HS6ST1: variants seen among roughly 807,000 people sequenced by gnomAD.
The protein encoded by HS6ST1 is heparan sulfate 6-O-sulfotransferase 1.
Under a neutral mutation model 25.2 loss-of-function variants are expected in HS6ST1, and 3 were observed. The observed-to-expected ratio is 0.12, with a 90% CI of 0.05 to 0.31. The LOEUF (loss-of-function observed/expected upper bound fraction) is 0.31. Among genes scored for constraint, HS6ST1 ranks in the 10% least tolerant of loss-of-function variants. The pLI, the probability that HS6ST1 is intolerant of heterozygous loss-of-function variation, is 1.00. For synonymous variants in HS6ST1, 204 were observed against 275.1 expected, an observed-to-expected ratio of 0.74 and a Z score of 2.56; for missense variants, 310 against 609.6, an observed-to-expected ratio of 0.51 and a Z score of 5.18.
At chr2:128,279,816 C>T (rs1185594950) in intron 1 of HS6ST1, among the ~76,000 whole-genome samples, 1 of 152,190 alleles carries the variant, frequency 6.6e-6, no homozygotes, top group African/African-American at 2.4e-5. Context: ...AAAACCTGGA[C>T]TCCAAGGGCA....
chr2:128,283,468 C>T (rs1242073501), intron 1 of HS6ST1, among the ~76,000 whole-genome samples: 1 of 152,232 alleles, frequency 6.6e-6, no homozygotes, highest in Non-Finnish European at 1.5e-5. Context: ...TACTGTGCAG[C>T]TATGCTGTGA....
chr2:128,299,811 A>C (rs1694096801), intron 1 of HS6ST1, among the ~76,000 whole-genome samples: 1 of 152,164 alleles, frequency 6.6e-6, no homozygotes, highest in East Asian at 1.9e-4. Flanking sequence ...CTGCTAACAC[A>C]GCCCATCTGC....
chr2:128,311,307 G>T (rs903353451), intron 1 of HS6ST1, among the ~76,000 whole-genome samples: 1 of 152,194 alleles, frequency 6.6e-6, no homozygotes. Context: ...CTCAAGGAGA[G>T]GAGAGCAGGT....
chr2:128,299,354 G>T (rs555625191), intron 1 of HS6ST1, among the ~76,000 whole-genome samples: 1 of 152,240 alleles, frequency 6.6e-6, no homozygotes, highest in Non-Finnish European at 1.5e-5. Context: ...GCCCTGGCCG[G>T]CCCACTCTTA....
chr2:128,294,717 G>T (rs1251469756), intron 1 of HS6ST1, among the ~76,000 whole-genome samples: 1 of 145,966 alleles, frequency 6.9e-6, no homozygotes, highest in South Asian at 2.2e-4. Context: ...TGTGTGTGTG[G>T]AGGGGGAGAC....
At position 128,265,937 on chromosome 2, in the gene HS6ST1, G is replaced by A. The variant is rs1693503516; in HGVS notation, c.*2225C>T. The A allele has an allele frequency of 6.6e-6, 1 of 151,648 alleles. No individual in the cohort carries two copies. The highest frequency in any genetic ancestry group is 2.1e-4 in the South Asian group (1 of 4,790). 9.4% of individuals were successfully genotyped at this position (151,648 alleles called of 1,614,324 possible). Reference sequence around the variant, plus strand: ...GAAGTGCCAGGCTGGACACTTGGGGGCTGAGGGCACTGCCAGCTGCCGCCG... The same window carrying A: ...GAAGTGCCAGGCTGGACACTTGGGGACTGAGGGCACTGCCAGCTGCCGCCG... On this transcript the variant is annotated 3_prime_UTR_variant, in exon 2 of 2. Coordinates refer to ENST00000259241, the MANE Select transcript of HS6ST1 (RefSeq NM_004807.3).
intron 1 of HS6ST1, among the ~76,000 whole-genome samples, chr2:128,315,704 A>T (rs1325041740): frequency 2.6e-5 from 4 of 152,146 alleles, no homozygotes; most frequent in African/African-American, 9.7e-5. Flanking sequence ...AGAGCAGCTT[A>T]GCCCAGCTCC....
rs1694407621 is a variant in HS6ST1 at position 128,318,406 on chromosome 2, T to TCGTCGGGCGGCGCGCGGC, written c.140_157dup (p.Gly47_Asp52dup). On this transcript the variant is annotated inframe_insertion, in exon 1 of 2. Coordinates refer to ENST00000259241, the MANE Select transcript of HS6ST1 (RefSeq NM_004807.3). The surrounding 1 kb of genome is among the most constrained non-coding windows in gnomAD (Gnocchi z 5.7). Reference sequence around the variant, plus strand: ...GTCGGGTGTGGGGAACAGGTCCAGGTCGTCGGGCGGCGCGCGGCCGCCGGG... The same window carrying TCGTCGGGCGGCGCGCGGC: ...GTCGGGTGTGGGGAACAGGTCCAGGTCGTCGGGCGGCGCGCGGCCGTCGGGCGGCGCGCGGCCGCCGGG... The TCGTCGGGCGGCGCGCGGC allele has an allele frequency of 6.2e-7, 1 of 1,603,674 alleles. No homozygotes were observed. Among genetic ancestry groups the TCGTCGGGCGGCGCGCGGC allele is most frequent in the Non-Finnish European group, 8.5e-7 (1 of 1,176,246 alleles).
At chr2:128,288,066 G>A (rs1693892170) in intron 1 of HS6ST1, among the ~76,000 whole-genome samples, 1 of 152,232 alleles carries the variant, frequency 6.6e-6, no homozygotes, top group Non-Finnish European at 1.5e-5. Context: ...GAGCAGCAGG[G>A]CAGCTGACTA....
chr2:128,269,566 C>T (rs1471665269), intron 1 of HS6ST1, among the ~76,000 whole-genome samples: 3 of 152,262 alleles, frequency 2.0e-5, no homozygotes, highest in Non-Finnish European at 2.9e-5. Context: ...CTCGCTATGA[C>T]GCTGGGCTGG....
intron 1 of HS6ST1, 144 bp downstream of exon 1, chr2:128,317,893 G>A: frequency 1.0e-6 from 1 of 1,002,348 alleles, no homozygotes; most frequent in Non-Finnish European, 1.3e-6. Context: ...CGCTCGGCAG[G>A]TCGGGAGGGG....
intron 1 of HS6ST1, among the ~76,000 whole-genome samples, chr2:128,308,435 G>A (rs543595752): frequency 2.8e-4 from 43 of 152,326 alleles, no homozygotes; most frequent in African/African-American, 1.0e-3. Flanking sequence ...CCAGCATCAC[G>A]TGGCATCCAC....
intron 1 of HS6ST1, among the ~76,000 whole-genome samples, chr2:128,302,792 C>T (rs1025648748): frequency 6.6e-6 from 1 of 152,208 alleles, no homozygotes; most frequent in African/African-American, 2.4e-5. Flanking sequence ...TGTGGTGGGG[C>T]CTCTTCCGCA....
At chr2:128,292,343 A>G (rs898982104) in intron 1 of HS6ST1, among the ~76,000 whole-genome samples, 9 of 152,164 alleles carry the variant, frequency 5.9e-5, no homozygotes, top group Non-Finnish European at 1.2e-4. Context: ...GCTCCTGAGG[A>G]GGTAAGGTGG....
At chr2:128,297,497 CA>C (rs1466389584) in intron 1 of HS6ST1, among the ~76,000 whole-genome samples, 1 of 152,006 alleles carries the variant, frequency 6.6e-6, no homozygotes, top group Non-Finnish European at 1.5e-5. Flanking sequence ...ACACAGGTAA[CA>C]AAAGAAAAGC....
In HS6ST1 at chr2:128,297,721, C is replaced by A. The variant is rs574593848; in HGVS notation, c.527+20316G>T. On this transcript the variant is annotated intron_variant, in intron 1 of 1. Coordinates refer to ENST00000259241, the MANE Select transcript of HS6ST1 (RefSeq NM_004807.3). The stretch of plus-strand genomic sequence containing the variant: ...TGGTGGCACATGCCTGTAATCCCAG[C>A]GACTCAGGAGGCTGAGGCACGAGAA... Among the ~76,000 whole-genome samples, 175 of 151,832 alleles carry A rather than the reference C, an allele frequency of 1.2e-3. 2 individuals are homozygous for A. Among genetic ancestry groups the A allele is most frequent in the Non-Finnish European group, 2.2e-3 (149 of 68,020 alleles).
intron 1 of HS6ST1, among the ~76,000 whole-genome samples, chr2:128,296,853 T>C (rs1383241875): frequency 6.6e-6 from 1 of 152,188 alleles, no homozygotes; most frequent in African/African-American, 2.4e-5. Context: ...GCTGCATAAA[T>C]AGAGTAACTT....
chr2:128,309,292 T>C (rs1694255369), intron 1 of HS6ST1, among the ~76,000 whole-genome samples: 1 of 152,176 alleles, frequency 6.6e-6, no homozygotes, highest in Non-Finnish European at 1.5e-5. Flanking sequence ...CTCCGTGAGG[T>C]GGGAAAAGAA....
intron 1 of HS6ST1, among the ~76,000 whole-genome samples, chr2:128,317,251 C>T (rs1187823480): frequency 6.6e-6 from 1 of 152,264 alleles, no homozygotes; most frequent in Non-Finnish European, 1.5e-5. Flanking sequence ...TCAGCTCTGA[C>T]ATGGGGCTGG....
Sources: gnomAD v4.1 joint callset for allele counts (sites outside exome capture counted in the v4.1 genomes callset) on GRCh38, gnomAD v4.1.1 for gene constraint, Gnocchi (gnomAD v3.1) non-coding constraint, MANE v1.5 for transcripts, NCBI Gene and HGNC (gene_info 2026-07-23, HGNC 2026-07-21) for gene names.